Variants in MGAT5 observed in about 807,000 individuals in gnomAD.
MGAT5 encodes the protein alpha-1,6-mannosylglycoprotein 6-beta-N-acetylglucosaminyltransferase A.
A neutral mutation model predicts 94.3 loss-of-function variants in MGAT5; 30 were observed. The ratio of observed to expected loss-of-function variants is 0.32; its 90% CI spans 0.24 to 0.43. The LOEUF is 0.43. MGAT5 is among the 20% of genes least tolerant of loss of function. The pLI is 1.00. For synonymous variants in MGAT5, 310 were observed against 322.9 expected, an observed-to-expected ratio of 0.96 and a Z score of 0.43; for missense variants, 691 against 905.5, an observed-to-expected ratio of 0.76 and a Z score of 3.04.
At chr2:134,120,738 G>A (rs1047760368) in intron 1 of MGAT5, among the ~76,000 whole-genome samples, 2 of 151,938 alleles carry the variant, frequency 1.3e-5, no homozygotes, top group Non-Finnish European at 2.9e-5. Flanking sequence ...CCGGGCCGGG[G>A]TCCTCGGGAC....
At chr2:134,414,114 A>T (rs977011953) in intron 12 of MGAT5, among the ~76,000 whole-genome samples, 3 of 151,782 alleles carry the variant, frequency 2.0e-5, no homozygotes, top group African/African-American at 7.3e-5. Flanking sequence ...CGTGGCCCAG[A>T]TAACCTTTGA....
At chr2:134,162,138 C>T (rs562159743) in intron 1 of MGAT5, among the ~76,000 whole-genome samples, 2 of 151,874 alleles carry the variant, frequency 1.3e-5, no homozygotes, top group African/African-American at 2.4e-5. Flanking sequence ...TGCAGTGAGT[C>T]GAGATCACGC....
In MGAT5 at chr2:134,442,022, T is replaced by G. The variant is rs1000173352; in HGVS notation, c.2027+107T>G. 4 of 1,305,144 alleles carry G rather than the reference T, an allele frequency of 3.1e-6. No homozygotes were observed. In the Admixed American group the frequency reaches 5.7e-5, roughly 19 times the overall value. The allele number at this position is 1,305,144 out of a possible 1,614,324, so 80.8% of individuals were successfully genotyped here. ...TTTCCTCTTCCAAGCTACTGGGCTG[T>G]GGGGATAAGGTGTGGGAGGGGAGTA... On this transcript the variant is annotated intron_variant, in intron 15 of 15. Coordinates refer to ENST00000281923, the MANE Select transcript of MGAT5 (RefSeq NM_002410.5).
chr2:134,283,391 T>C (rs1684817572), intron 2 of MGAT5, among the ~76,000 whole-genome samples: 1 of 152,216 alleles, frequency 6.6e-6, no homozygotes, highest in Non-Finnish European at 1.5e-5. Flanking sequence ...TATGTGCCTT[T>C]GTTCCATAAG....
chr2:134,309,416 T>A (rs748705704), intron 2 of MGAT5, among the ~76,000 whole-genome samples: 2 of 152,244 alleles, frequency 1.3e-5, no homozygotes, highest in Non-Finnish European at 2.9e-5. Flanking sequence ...GCAGCTACAC[T>A]ATTTTATATT....
chr2:134,399,416 C>T (rs1682907223), intron 10 of MGAT5, among the ~76,000 whole-genome samples: 1 of 152,230 alleles, frequency 6.6e-6, no homozygotes, highest in Admixed American at 6.5e-5. Flanking sequence ...GACAACACTG[C>T]TCATTGACTC....
At chr2:134,276,245 C>T (rs1684365461) in intron 2 of MGAT5, among the ~76,000 whole-genome samples, 1 of 145,742 alleles carries the variant, frequency 6.9e-6, no homozygotes, top group South Asian at 2.3e-4. Context: ...TTTAGAAACT[C>T]CCAGAAGACT....
chr2:134,286,356 CTTTGT>C (rs1685001033), intron 2 of MGAT5, among the ~76,000 whole-genome samples: 1 of 152,110 alleles, frequency 6.6e-6, no homozygotes, highest in African/African-American at 2.4e-5. Context: ...ACATTTTCCC[CTTTGT>C]TGGTTTCTTG....
intron 5 of MGAT5, 109 bp downstream of exon 5, chr2:134,336,397 A>G: frequency 1.2e-6 from 1 of 867,152 alleles, no homozygotes; most frequent in South Asian, 1.6e-5. Context: ...ATAGTGTTAC[A>G]CTGAAAAACT....
At chr2:134,151,872 A>C (rs1687208013) in intron 1 of MGAT5, among the ~76,000 whole-genome samples, 1 of 128,232 alleles carries the variant, frequency 7.8e-6, no homozygotes, top group African/African-American at 3.2e-5. Context: ...ATGGGACCTC[A>C]CTCACGCCCT....
At chr2:134,447,221 C>T (rs372907696) in intron 15 of MGAT5, among the ~76,000 whole-genome samples, 2 of 152,314 alleles carry the variant, frequency 1.3e-5, no homozygotes, top group South Asian at 2.1e-4. Context: ...TCATCCCCTC[C>T]GTGTCAGCAG....
rs151040315 is a variant in MGAT5, at chr2:134,179,866, C to T, written c.-143+59575C>T. Among the ~76,000 whole-genome samples the T allele has an allele frequency of 5.6e-3, 846 of 152,294 alleles. 14 individuals are homozygous for T. The highest frequency in any genetic ancestry group is 0.019 in the African/African-American group (807 of 41,554). ...TAGGAGGTTGGCACAAGATACAGGT[C>T]ACAAAGACCTTGCTGGTAAAGCAGG... On this transcript the variant is annotated intron_variant, in intron 1 of 16. Transcript: ENST00000409645.
At position 134,317,859 on chromosome 2, in the gene MGAT5, G is replaced by A. The variant is rs939844672; in HGVS notation, c.483+254G>A. Among the ~76,000 whole-genome samples, 7 of 152,130 alleles carry A rather than the reference G, an allele frequency of 4.6e-5. 1 individual carries two copies. The highest frequency in any genetic ancestry group is 1.3e-4 in the Admixed American group (2 of 15,274). ...GCCTGGGCCATTTCAGGCACCTGCT[G>A]AGTCTTTGAAGCTGACTTCCCCTCT... is the stretch of plus-strand genomic sequence containing the variant. On this transcript the variant is annotated intron_variant, in intron 3 of 15. Coordinates refer to ENST00000281923, the MANE Select transcript of MGAT5 (RefSeq NM_002410.5).
intron 9 of MGAT5, among the ~76,000 whole-genome samples, chr2:134,355,896 G>C (rs1028597661): frequency 6.6e-6 from 1 of 151,980 alleles, no homozygotes; most frequent in Non-Finnish European, 1.5e-5. Context: ...CCCCATCCCT[G>C]GTTTCAGATC....
In MGAT5 at chr2:134,265,563, A is replaced by G. The variant is rs568683405; in HGVS notation, c.242-4823A>G. Among the ~76,000 whole-genome samples, 9 of 152,360 alleles carry G rather than the reference A, an allele frequency of 5.9e-5. No homozygotes were observed. In the East Asian group the frequency reaches 1.7e-3, roughly 29 times the overall value. ...CAAAGCCTGCTTTCCCCAGAGAGACATTTTAAATGTTTTTCAACTACTTTG... is the reference window on the plus strand; with the variant it reads ...CAAAGCCTGCTTTCCCCAGAGAGACGTTTTAAATGTTTTTCAACTACTTTG... On this transcript the variant is annotated intron_variant, in intron 1 of 15. Transcript: ENST00000281923.
At chr2:134,284,634 C>A (rs1430038832) in intron 2 of MGAT5, among the ~76,000 whole-genome samples, 2 of 151,364 alleles carry the variant, frequency 1.3e-5, no homozygotes, top group Admixed American at 6.6e-5. Flanking sequence ...GTCCCAGACA[C>A]AAATAATAAC....
chr2:134,285,822 C>T (rs559141193), intron 2 of MGAT5, among the ~76,000 whole-genome samples: 1 of 152,132 alleles, frequency 6.6e-6, no homozygotes, highest in Non-Finnish European at 1.5e-5. Context: ...CCACCATTGC[C>T]AGCAACCCCT....
intron 10 of MGAT5, among the ~76,000 whole-genome samples, chr2:134,366,548 A>T (rs903733039): frequency 6.6e-6 from 1 of 152,298 alleles, no homozygotes; most frequent in Middle Eastern, 3.4e-3. Context: ...CAGACTTGCA[A>T]CTTAACCACA....
At chr2:134,359,312 T>C (rs1206315768) in intron 9 of MGAT5, among the ~76,000 whole-genome samples, 1 of 152,252 alleles carries the variant, frequency 6.6e-6, no homozygotes, top group African/African-American at 2.4e-5. Flanking sequence ...GGCTGTGTAT[T>C]AGAGTGACTT....
Sources: allele counts gnomAD v4.1 joint callset (sites outside exome capture counted in the v4.1 genomes callset), GRCh38; gene constraint gnomAD v4.1.1; transcripts MANE v1.5; gene names NCBI Gene and HGNC (gene_info 2026-07-23, HGNC 2026-07-21).